OSBPL8: variants seen among roughly 807,000 people sequenced by gnomAD.
OSBPL8 encodes oxysterol-binding protein-related protein 8.
In OSBPL8, 59 loss-of-function variants were observed where a neutral mutation model predicts 125.5. The observed-to-expected ratio is 0.47, with a 90% CI of 0.38 to 0.58. OSBPL8 has a LOEUF of 0.58. Ranked by LOEUF, OSBPL8 falls within the 20% of genes least tolerant of loss-of-function variation. The probability of loss-of-function intolerance (pLI) is 0.00; values close to 1 mark genes in which losing one functional copy is unlikely to be tolerated. For synonymous variants in OSBPL8, 330 were observed against 338.9 expected (o/e 0.97, Z 0.29); for missense variants, 758 against 1,047.8 (o/e 0.72, Z 3.82).
At chr12:76,375,403 A>G in intron 16 of OSBPL8, 33 bp from the exon 17 acceptor site, 1 of 1,450,982 alleles carries the variant, frequency 6.9e-7, no homozygotes, top group South Asian at 1.1e-5. Flanking sequence ...AAAATTGAAA[A>G]GAGTATAGTA....
chr12:76,497,843 C>T (rs1879438533), intron 1 of OSBPL8, among the ~76,000 whole-genome samples: 2 of 152,302 alleles, frequency 1.3e-5, no homozygotes, highest in South Asian at 4.1e-4. Flanking sequence ...CTCTCCATAA[C>T]TTGTACAAGC....
rs529667127 is a variant in OSBPL8 at position 76,441,974 on chromosome 12, G to A, written c.217+8877C>T. On this transcript the variant is annotated intron_variant, in intron 4 of 23. Coordinates refer to ENST00000261183, the MANE Select transcript of OSBPL8 (RefSeq NM_020841.5). ...TCTGTAACACAAAGGATAAATGCTC[G>A]AGGAAATACATAACATATTTTCCAT... Among the ~76,000 whole-genome samples, 816 of 152,118 alleles carry A rather than the reference G, an allele frequency of 5.4e-3. 8 individuals carry two copies. Among genetic ancestry groups the A allele is most frequent in the African/African-American group, 0.019 (787 of 41,506 alleles).
At chr12:76,454,730 A>T (rs75160362) in intron 3 of OSBPL8, among the ~76,000 whole-genome samples, 11 of 78,526 alleles carry the variant, frequency 1.4e-4, no homozygotes, top group African/African-American at 3.0e-4. Context: ...TTAAAAAATT[A>T]AAAAAAAAAA....
chr12:76,395,917 A>G (rs1953773759), intron 8 of OSBPL8, among the ~76,000 whole-genome samples: 1 of 151,828 alleles, frequency 6.6e-6, no homozygotes, highest in African/African-American at 2.4e-5. Flanking sequence ...AGAATTAAAT[A>G]TTATAAATTT....
chr12:76,386,174 A>G lies in OSBPL8; in HGVS notation c.1527T>C (p.Ala509=), dbSNP rs1818836359. The G allele has an allele frequency of 6.2e-7, 1 of 1,610,438 alleles. No individual in the cohort carries two copies. Among genetic ancestry groups the G allele is most frequent in the Non-Finnish European group, 8.5e-7 (1 of 1,178,662 alleles). ...PRTNSKTFYI[A]EQVSHHPPIS... is the part of the protein sequence containing the mutation. ...ATACATGCATTTCTAATACCTGTTC[A>G]GCAATATAAAAAGTTTTGCTGTTTG... Residue 509 remains alanine (A), a synonymous_variant, in exon 14 of 24, where the codon GCT becomes GCC. Transcript: ENST00000261183.
In OSBPL8 at chr12:76,380,375, T is replaced by C. The variant is rs180816092; in HGVS notation, c.1631-1825A>G. 5.6e-4 allele frequency among the ~76,000 whole-genome samples: 85 copies of C among 152,172 alleles called. No individual in the cohort carries two copies. In the East Asian group the frequency reaches 8.5e-3, roughly 15 times the overall value. ...ATTAAATTTATTTTTAAATACATTATTTGGATGCTATTATAATTGGAGTTG... is the reference window on the plus strand; with the variant it reads ...ATTAAATTTATTTTTAAATACATTACTTGGATGCTATTATAATTGGAGTTG... On this transcript the variant is annotated intron_variant, in intron 15 of 23. Coordinates refer to ENST00000261183, the MANE Select transcript of OSBPL8 (RefSeq NM_020841.5).
At chr12:76,463,811 A>G (rs1875041179) in intron 2 of OSBPL8, among the ~76,000 whole-genome samples, 2 of 152,208 alleles carry the variant, frequency 1.3e-5, no homozygotes, top group African/African-American at 4.8e-5. Context: ...ACAGGATATA[A>G]GTAATTGAGG....
rs1454499713 is a variant in OSBPL8 at position 76,462,641 on chromosome 12, G to C, written c.43-2746C>G. On this transcript the variant is annotated intron_variant, in intron 2 of 23. Transcript: ENST00000261183. ...AAAAAATGTTAAGTAAAAATTCATG[G>C]TATAATATATAGCATAAAAACTAGG... Among the ~76,000 whole-genome samples the C allele has an allele frequency of 2.0e-5, 3 of 152,176 alleles. No homozygotes were observed. The East Asian group carries it at 5.8e-4, about 29-fold the overall frequency.
chr12:76,356,740 T>C lies in OSBPL8; in HGVS notation c.2435-12A>G, dbSNP rs777278052. The C allele has an allele frequency of 2.0e-6, 3 of 1,530,132 alleles. No individual in the cohort carries two copies. The African/African-American group carries it at 4.1e-5, about 21-fold the overall frequency. The allele number at this position is 1,530,132 out of a possible 1,614,324, so 94.8% of individuals were successfully genotyped here. A position where few individuals can be genotyped will look rare whatever the true frequency, so the allele number is the denominator to read the frequency against. ...TTTTACTGATTGAGCTAAAAAGACA[T>C]TTAGAATGAAGTTGAAACTATAAAA... On this transcript the variant is annotated splice_polypyrimidine_tract_variant and intron_variant, in intron 22 of 23. Coordinates refer to ENST00000261183, the MANE Select transcript of OSBPL8 (RefSeq NM_020841.5).
chr12:76,416,223 T>C (rs553047829), intron 4 of OSBPL8, among the ~76,000 whole-genome samples: 1 of 152,194 alleles, frequency 6.6e-6, no homozygotes, highest in African/African-American at 2.4e-5. Flanking sequence ...AGAATTTTTA[T>C]TGAACTTTTT....
chr12:76,456,670 T>C (rs900157920), intron 3 of OSBPL8, among the ~76,000 whole-genome samples: 1 of 152,212 alleles, frequency 6.6e-6, no homozygotes, highest in Non-Finnish European at 1.5e-5. Context: ...TACTGTTTGC[T>C]GTTGACTGGA....
At chr12:76,385,667 G>GA (rs146960584) in intron 14 of OSBPL8, among the ~76,000 whole-genome samples, 6,873 of 152,072 alleles carry the variant, frequency 0.045, 557 homozygotes, top group African/African-American at 0.16. Context: ...TAGCTAAGAA[G>GA]AAATACTGGA....
At chr12:76,475,058 A>G (rs1876638176) in intron 2 of OSBPL8, among the ~76,000 whole-genome samples, 1 of 152,208 alleles carries the variant, frequency 6.6e-6, no homozygotes, top group Non-Finnish European at 1.5e-5. Flanking sequence ...TTATCTTCAC[A>G]TATCTCCAAT....
At chr12:76,388,905 G>A (rs1275831786) in intron 12 of OSBPL8, among the ~76,000 whole-genome samples, 3 of 152,010 alleles carry the variant, frequency 2.0e-5, no homozygotes, top group Non-Finnish European at 4.4e-5. Flanking sequence ...CCGAAAATAA[G>A]TCTTGATAAA....
At chr12:76,502,162 C>G (rs1215640136) in intron 1 of OSBPL8, among the ~76,000 whole-genome samples, 1 of 152,186 alleles carries the variant, frequency 6.6e-6, no homozygotes. Flanking sequence ...TGTATATGCT[C>G]TGGGTCAATA....
In OSBPL8 at chr12:76,454,154, C is replaced by T. The variant is rs148735239; in HGVS notation, c.80-3166G>A. Among the ~76,000 whole-genome samples the T allele has an allele frequency of 5.1e-3, 772 of 152,246 alleles. 6 individuals are homozygous for T. The highest frequency in any genetic ancestry group is 0.017 in the African/African-American group (715 of 41,530). On this transcript the variant is annotated intron_variant, in intron 3 of 23. Coordinates refer to ENST00000261183, the MANE Select transcript of OSBPL8 (RefSeq NM_020841.5). ...AGCTTCTTATATAAAACTGAATACC[C>T]TGTGGGTCCAACAATTCCACTCTTG...
At chr12:76,478,810 G>A (rs189312971) in intron 2 of OSBPL8, among the ~76,000 whole-genome samples, 3 of 152,292 alleles carry the variant, frequency 2.0e-5, no homozygotes, top group Admixed American at 6.5e-5. Flanking sequence ...AACAGGCCGG[G>A]CACAGTGGCT....
rs185055381 is a variant in OSBPL8, at chr12:76,506,395, C to T, written c.-67-18777G>A. On this transcript the variant is annotated intron_variant, in intron 1 of 23. Transcript: ENST00000261183. ...AAAATGTAAACTAGGAGTTAGCATA[C>T]GGATGGAATTTAAAACCATAACATT... Among the ~76,000 whole-genome samples, 60 of 152,202 alleles carry T rather than the reference C, an allele frequency of 3.9e-4. 1 individual carries two copies. The South Asian group carries it at 7.9e-3, about 20-fold the overall frequency.
In OSBPL8 at chr12:76,378,443, A is replaced by G. The variant is rs765506361; in HGVS notation, c.1729+9T>C. The G allele has an allele frequency of 6.6e-7, 1 of 1,517,542 alleles. No individual in the cohort carries two copies. The highest frequency in any genetic ancestry group is 1.2e-5 in the South Asian group (1 of 83,440). 94.0% of individuals were successfully genotyped at this position (1,517,542 alleles called of 1,614,324 possible). A position where few individuals can be genotyped will look rare whatever the true frequency, so the allele number is the denominator to read the frequency against. On this transcript the variant is annotated intron_variant, in intron 16 of 23. Coordinates refer to ENST00000261183, the MANE Select transcript of OSBPL8 (RefSeq NM_020841.5). Reference sequence around the variant, plus strand: ...CTTAATATCTAATTCAAGTATAGAAAATATTTACCTTTACAATGAGCGTAT... The same window carrying G: ...CTTAATATCTAATTCAAGTATAGAAGATATTTACCTTTACAATGAGCGTAT...
Sources: allele counts gnomAD v4.1 joint callset (sites outside exome capture counted in the v4.1 genomes callset), GRCh38; gene constraint gnomAD v4.1.1; transcripts MANE v1.5; gene names NCBI Gene and HGNC (gene_info 2026-07-23, HGNC 2026-07-21).